The following ULK4 variants were observed in gnomAD, a reference collection of about 807,000 sequenced individuals.
ULK4 encodes inactive serine/threonine-protein kinase ULK4.
In ULK4, 133 loss-of-function variants were observed where a neutral mutation model predicts 160.6. The ratio of observed to expected loss-of-function variants is 0.83; its 90% confidence interval spans 0.72 to 0.96. ULK4 has a LOEUF of 0.96. Among genes scored for constraint, ULK4 ranks in the 40% least tolerant of loss-of-function variants. The probability of loss-of-function intolerance (pLI) is 0.00; values close to 1 mark genes in which losing one functional copy is unlikely to be tolerated. For synonymous variants in ULK4, 534 were observed against 539.8 expected (o/e 0.99, Z 0.15); for missense variants, 1,580 against 1,499.5 (o/e 1.05, Z -0.89).
At chr3:41,840,265 C>T (rs2041870531) in intron 17 of ULK4, among the ~76,000 whole-genome samples, 1 of 152,148 alleles carries the variant, frequency 6.6e-6, no homozygotes, top group African/African-American at 2.4e-5. Flanking sequence ...CCTGTCTCTA[C>T]AAAAATAATT....
chr3:41,447,678 C>G (rs948518238), intron 34 of ULK4, among the ~76,000 whole-genome samples: 1 of 152,084 alleles, frequency 6.6e-6, no homozygotes, highest in African/African-American at 2.4e-5. Context: ...CCAATGCTGC[C>G]GGGATCCTAG....
chr3:41,506,767 A>AAAAAAAAAAAAAAAAAAAAAATAAAT, intron 32 of ULK4, among the ~76,000 whole-genome samples: 1 of 56,766 alleles, frequency 1.8e-5, no homozygotes, highest in Non-Finnish European at 3.1e-5. Context: ...TGTGATTTAA[A>AAAAAAAAAAAAAAAAAAAAAATAAAT]ATATATATAT....
At chr3:41,583,510 A>G (rs1412036508) in intron 31 of ULK4, among the ~76,000 whole-genome samples, 1 of 152,204 alleles carries the variant, frequency 6.6e-6, no homozygotes, top group Admixed American at 6.5e-5. Context: ...GCATTATACT[A>G]TAATTATAGT....
chr3:41,305,803 C>G (rs1212027883), intron 35 of ULK4, among the ~76,000 whole-genome samples: 1 of 148,940 alleles, frequency 6.7e-6, no homozygotes, highest in African/African-American at 2.5e-5. Context: ...GCCATCACAT[C>G]TAGGAAGTGA....
rs547432822 is a variant in ULK4, at chr3:41,313,214, T to C, written c.3679-63640A>G. ...GGAAGGCATTTAGTGGCAATGTGTT[T>C]TTCCATGAGCAAGTTATTTAACCTC... On this transcript the variant is annotated intron_variant, in intron 35 of 36. Coordinates refer to ENST00000301831, the MANE Select transcript of ULK4 (RefSeq NM_017886.4). Among the ~76,000 whole-genome samples the C allele has an allele frequency of 9.8e-5, 15 of 152,338 alleles. No individual in the cohort carries two copies. In the South Asian group the frequency reaches 1.2e-3, roughly 13 times the overall value.
chr3:41,899,772 T>C (rs1698286863), intron 13 of ULK4, among the ~76,000 whole-genome samples: 1 of 152,154 alleles, frequency 6.6e-6, no homozygotes, highest in Non-Finnish European at 1.5e-5. Flanking sequence ...AATGCCCCAA[T>C]GCTCATCAAA....
At chr3:41,625,570 T>TA (rs573399195) in intron 30 of ULK4, among the ~76,000 whole-genome samples, 3 of 152,034 alleles carry the variant, frequency 2.0e-5, no homozygotes, top group South Asian at 4.2e-4. Context: ...GGCTTACCAC[T>TA]AAAAAAAAGT....
At chr3:41,841,508 G>C (rs115709234) in intron 17 of ULK4, among the ~76,000 whole-genome samples, 7,968 of 150,790 alleles carry the variant, frequency 0.053, 725 homozygotes, top group African/African-American at 0.18. Context: ...CACCTGGGAA[G>C]TGAGAAGCAC....
intron 31 of ULK4, among the ~76,000 whole-genome samples, chr3:41,570,637 G>T (rs904552371): frequency 1.3e-5 from 2 of 152,124 alleles, no homozygotes; most frequent in African/African-American, 4.8e-5. Context: ...ACACATTTTT[G>T]TAACTAAATG....
At chr3:41,686,424 G>A (rs79645604) in intron 27 of ULK4, among the ~76,000 whole-genome samples, 6 of 152,084 alleles carry the variant, frequency 3.9e-5, no homozygotes, top group East Asian at 1.9e-4. Context: ...AAATAGTTAC[G>A]AAGAGTTAGA....
chr3:41,529,182 G>T (rs562584163), intron 32 of ULK4, among the ~76,000 whole-genome samples: 9 of 152,256 alleles, frequency 5.9e-5, no homozygotes, highest in Admixed American at 5.2e-4. Flanking sequence ...TGCCCATTTT[G>T]TGTAATTAAA....
chr3:41,545,007 C>T (rs1352689261), intron 32 of ULK4, among the ~76,000 whole-genome samples: 1 of 152,132 alleles, frequency 6.6e-6, no homozygotes, highest in Non-Finnish European at 1.5e-5. Flanking sequence ...ATAAACACTC[C>T]TTGTATTGTT....
intron 34 of ULK4, among the ~76,000 whole-genome samples, chr3:41,445,885 A>C (rs989437508): frequency 1.3e-5 from 2 of 152,130 alleles, no homozygotes; most frequent in African/African-American, 4.8e-5. Flanking sequence ...GGATCTCATT[A>C]AACTAAAGAG....
intron 2 of ULK4, among the ~76,000 whole-genome samples, chr3:41,940,373 T>C (rs188640885): frequency 6.6e-6 from 1 of 152,338 alleles, no homozygotes; most frequent in African/African-American, 2.4e-5. Context: ...TCCCTGGCAA[T>C]ACGTGTCACC....
intron 32 of ULK4, among the ~76,000 whole-genome samples, chr3:41,480,201 C>T (rs1202112517): frequency 6.6e-5 from 6 of 90,784 alleles, no homozygotes; most frequent in South Asian, 4.1e-4. Flanking sequence ...AGCGAGACTC[C>T]GTATCAAAAA....
At chr3:41,569,277 G>A (rs147680535) in intron 31 of ULK4, among the ~76,000 whole-genome samples, 210 of 152,170 alleles carry the variant, frequency 1.4e-3, no homozygotes, top group African/African-American at 4.6e-3. Context: ...TCCCCAGAGG[G>A]TGGAGATTGG....
At chr3:41,651,426 T>C (rs34568869) in intron 30 of ULK4, among the ~76,000 whole-genome samples, 5,223 of 152,272 alleles carry the variant, frequency 0.034, 136 homozygotes, top group Non-Finnish European at 0.055. Context: ...GTGGAAGGTA[T>C]GTTTGTTTAA....
In ULK4 at chr3:41,360,480, C is replaced by T. The variant is rs141476515; in HGVS notation, c.3678+37599G>A. Among the ~76,000 whole-genome samples, 946 of 152,200 alleles carry T rather than the reference C, an allele frequency of 6.2e-3. 9 individuals are homozygous for T. Among genetic ancestry groups the T allele is most frequent in the African/African-American group, 0.022 (905 of 41,506 alleles). On this transcript the variant is annotated intron_variant, in intron 35 of 36. Coordinates refer to ENST00000301831, the MANE Select transcript of ULK4 (RefSeq NM_017886.4). ...ACATGCACGTGTATGCTCACTGCAG[C>T]GCCATTCACAATAGCAAAGACATGA...
chr3:41,895,656 G>A (rs1698126790), intron 15 of ULK4, 92 bp from the exon 16 acceptor site: 1 of 689,670 alleles, frequency 1.4e-6, no homozygotes, highest in Admixed American at 4.0e-5. Context: ...AACAGCTCAG[G>A]ACTTTATACA....
Sources: gnomAD v4.1 joint callset for allele counts (sites outside exome capture counted in the v4.1 genomes callset) on GRCh38, gnomAD v4.1.1 for gene constraint, MANE v1.5 for transcripts, NCBI Gene and HGNC (gene_info 2026-07-23, HGNC 2026-07-21) for gene names.